Variants in GRIA4 observed in about 807,000 individuals in gnomAD.
GRIA4 encodes the protein glutamate receptor 4.
A neutral mutation model predicts 104.0 loss-of-function variants in GRIA4; 34 were observed. That is an observed-to-expected ratio of 0.33 (90% CI 0.25 to 0.44). The LOEUF is 0.44. Among genes scored for constraint, GRIA4 ranks in the 20% least tolerant of loss-of-function variants. GRIA4 has a pLI of 1.00. For synonymous variants in GRIA4, 386 were observed against 381.9 expected, an observed-to-expected ratio of 1.01 and a Z score of -0.13; for missense variants, 750 against 1,096.5, an observed-to-expected ratio of 0.68 and a Z score of 4.46.
intron 3 of GRIA4, among the ~76,000 whole-genome samples, chr11:105,698,066 T>C (rs932185810): frequency 6.6e-6 from 1 of 152,138 alleles, no homozygotes; most frequent in African/African-American, 2.4e-5. Flanking sequence ...TATGTCATGC[T>C]AGAAATAAGG....
intron 4 of GRIA4, among the ~76,000 whole-genome samples, chr11:105,835,060 T>C (rs996337661): frequency 1.3e-5 from 2 of 152,044 alleles, no homozygotes; most frequent in African/African-American, 4.8e-5. Flanking sequence ...AATATTAAGT[T>C]GAAATTCCCA....
chr11:105,882,283 C>A (rs1946094476), intron 5 of GRIA4, among the ~76,000 whole-genome samples: 1 of 152,118 alleles, frequency 6.6e-6, no homozygotes, highest in South Asian at 2.1e-4. Flanking sequence ...AAGAGAAAAA[C>A]CAGTTATTTC....
At chr11:105,952,406 G>A (rs548911269) in intron 14 of GRIA4, among the ~76,000 whole-genome samples, 3 of 152,006 alleles carry the variant, frequency 2.0e-5, no homozygotes, top group Non-Finnish European at 4.4e-5. Flanking sequence ...ATGAAGCTAA[G>A]TTTCATGAAA....
intron 16 of GRIA4, 129 bp downstream of exon 16, chr11:105,974,573 G>T: frequency 1.9e-6 from 3 of 1,607,264 alleles, no homozygotes; most frequent in Non-Finnish European, 2.6e-6. Context: ...ACTTAGGCCC[G>T]ACTACAGTGA....
chr11:105,784,524 G>C (rs1941871610), intron 4 of GRIA4, among the ~76,000 whole-genome samples: 1 of 152,352 alleles, frequency 6.6e-6, no homozygotes, highest in African/African-American at 2.4e-5. Context: ...GTAGACAGCA[G>C]AGTGCTGGGT....
intron 14 of GRIA4, among the ~76,000 whole-genome samples, chr11:105,957,915 C>G (rs1360534922): frequency 6.6e-6 from 1 of 152,048 alleles, no homozygotes; most frequent in African/African-American, 2.4e-5. Flanking sequence ...CTCTGTTTGT[C>G]TGTTATTGGT....
chr11:105,618,022 A>G (rs1174704757), intron 3 of GRIA4, among the ~76,000 whole-genome samples: 2 of 152,008 alleles, frequency 1.3e-5, no homozygotes, highest in African/African-American at 4.8e-5. Flanking sequence ...CATTTGAAAA[A>G]GAACAAGGAA....
chr11:105,883,086 C>G (rs1946122492), intron 5 of GRIA4, among the ~76,000 whole-genome samples: 1 of 151,816 alleles, frequency 6.6e-6, no homozygotes, highest in Admixed American at 6.6e-5. Flanking sequence ...AAAACAAAAA[C>G]AAAAACAAAA....
chr11:105,952,965 A>G (rs1249738767), intron 14 of GRIA4, among the ~76,000 whole-genome samples: 1 of 152,228 alleles, frequency 6.6e-6, no homozygotes. Context: ...TTTTGCATAT[A>G]TATGTAGAGC....
chr11:105,655,869 A>T (rs1228428802), intron 3 of GRIA4, among the ~76,000 whole-genome samples: 3 of 152,070 alleles, frequency 2.0e-5, no homozygotes, highest in Admixed American at 6.6e-5. Flanking sequence ...TGCTGGGTCA[A>T]ATGGTATTTC....
chr11:105,846,033 CAA>C (rs1273937328), intron 4 of GRIA4, among the ~76,000 whole-genome samples: 1 of 152,114 alleles, frequency 6.6e-6, no homozygotes, highest in Non-Finnish European at 1.5e-5. Context: ...CTTAGAGAAA[CAA>C]AGTGTTTTTA....
intron 4 of GRIA4, among the ~76,000 whole-genome samples, chr11:105,766,205 T>C (rs1940930477): frequency 6.6e-6 from 1 of 152,164 alleles, no homozygotes; most frequent in South Asian, 2.1e-4. Flanking sequence ...ATTTAAAGAA[T>C]GGTATTTCCC....
intron 4 of GRIA4, among the ~76,000 whole-genome samples, chr11:105,830,477 G>C (rs1181836361): frequency 6.6e-6 from 1 of 152,010 alleles, no homozygotes; most frequent in Non-Finnish European, 1.5e-5. Flanking sequence ...GACTTGGGAG[G>C]AGAAAGACAG....
intron 3 of GRIA4, among the ~76,000 whole-genome samples, chr11:105,749,742 G>A (rs2135683518): frequency 6.6e-6 from 1 of 152,246 alleles, no homozygotes; most frequent in East Asian, 1.9e-4. Flanking sequence ...AAATGGAGTA[G>A]TATCATGTGT....
chr11:105,946,257 C>A (rs1476103341), intron 14 of GRIA4, among the ~76,000 whole-genome samples: 1 of 152,016 alleles, frequency 6.6e-6, no homozygotes, highest in African/African-American at 2.4e-5. Context: ...ATTGGTCTTT[C>A]CATAGAGGAA....
Position 105,855,880 on chromosome 11 carries a change from C to A in GRIA4, c.488-6144C>A, listed in dbSNP as rs149331150. On this transcript the variant is annotated intron_variant, in intron 4 of 16. Transcript: ENST00000282499. Reference sequence around the variant, plus strand: ...CTTTGGGTGATGAAGGAGGTGGCTGCAAGGATAGTTTTCATCAGAAGTCAA... The same window carrying A: ...CTTTGGGTGATGAAGGAGGTGGCTGAAAGGATAGTTTTCATCAGAAGTCAA... 3.7e-3 allele frequency among the ~76,000 whole-genome samples: 557 copies of A among 152,078 alleles called. 3 individuals carry two copies. Among genetic ancestry groups the A allele is most frequent in the African/African-American group, 0.013 (533 of 41,492 alleles).
At chr11:105,654,602 G>A (rs1412280191) in intron 3 of GRIA4, among the ~76,000 whole-genome samples, 1 of 152,064 alleles carries the variant, frequency 6.6e-6, no homozygotes, top group Non-Finnish European at 1.5e-5. Context: ...AAGAGAAAAT[G>A]ATTACTGTGT....
intron 4 of GRIA4, chr11:105,797,974 G>A: frequency 2.8e-6 from 1 of 357,926 alleles, no homozygotes; most frequent in South Asian, 2.1e-5. Context: ...TTCATTTATT[G>A]AGCAAATATT....
chr11:105,932,760 A>G (rs1395349553), intron 13 of GRIA4, among the ~76,000 whole-genome samples: 3 of 152,142 alleles, frequency 2.0e-5, no homozygotes, highest in Admixed American at 6.6e-5. Context: ...TTTCTCAGAA[A>G]AAGTCTAAAA....
Sources: allele counts gnomAD v4.1 joint callset (sites outside exome capture counted in the v4.1 genomes callset), GRCh38; gene constraint gnomAD v4.1.1; transcripts MANE v1.5; gene names NCBI Gene and HGNC (gene_info 2026-07-23, HGNC 2026-07-21).